TMEM132C: variants seen among roughly 807,000 people sequenced by gnomAD.
The protein encoded by TMEM132C is transmembrane protein 132C, also known as protein phosphatase 1, regulatory subunit 152.
In TMEM132C, 29 loss-of-function variants were observed where a neutral mutation model predicts 61.4. That is an observed-to-expected ratio of 0.47 (90% CI 0.35 to 0.64). The LOEUF is 0.64. Ranked by LOEUF, TMEM132C falls within the 30% of genes least tolerant of loss-of-function variation. TMEM132C has a pLI of 0.00. For missense variants in TMEM132C, 1,408 were observed against 1,476.9 expected (o/e 0.95, Z 0.76); for synonymous variants, 656 against 633.1 (o/e 1.04, Z -0.54).
At chr12:128,490,918 C>T (rs1413898351) in intron 2 of TMEM132C, among the ~76,000 whole-genome samples, 1 of 152,220 alleles carries the variant, frequency 6.6e-6, no homozygotes, top group Non-Finnish European at 1.5e-5. Context: ...ACTAAGCCCT[C>T]ATTGCCTTAT....
intron 1 of TMEM132C, among the ~76,000 whole-genome samples, chr12:128,331,807 C>G (rs1872671310): frequency 6.6e-6 from 1 of 152,120 alleles, no homozygotes; most frequent in South Asian, 2.1e-4. Flanking sequence ...CTGCTGGATC[C>G]AATGGTAGTT....
chr12:128,400,344 C>G (rs2136009171), intron 1 of TMEM132C, among the ~76,000 whole-genome samples: 1 of 152,202 alleles, frequency 6.6e-6, no homozygotes, highest in East Asian at 1.9e-4. Context: ...CTGGCTCACT[C>G]ATTGGCCCCT....
chr12:128,347,397 GTCTCTCTCTCTC>G lies in TMEM132C; in HGVS notation c.86-67304_86-67293del, dbSNP rs55729184. Among the ~76,000 whole-genome samples, 232 of 135,528 alleles carry G rather than the reference GTCTCTCTCTCTC, an allele frequency of 1.7e-3. 1 individual carries two copies. The highest frequency in any genetic ancestry group is 5.2e-3 in the African/African-American group (172 of 32,906). 88.9% of individuals were successfully genotyped at this position (135,528 alleles called of 152,430 possible). On this transcript the variant is annotated intron_variant, in intron 1 of 8. Coordinates refer to ENST00000435159, the MANE Select transcript of TMEM132C (RefSeq NM_001136103.3). ...TGCTGCCATAAGCATGCATATGTAT[GTCTCTCTCTCTC>G]TCTCTCTCTCTCTCTCTCTCTCTCT... is the stretch of plus-strand genomic sequence containing the variant.
At chr12:128,496,162 C>T (rs1035879010) in intron 2 of TMEM132C, among the ~76,000 whole-genome samples, 3 of 152,148 alleles carry the variant, frequency 2.0e-5, no homozygotes, top group African/African-American at 7.2e-5. Flanking sequence ...ATATTGGCCC[C>T]CAATCTCTTC....
At chr12:128,576,459 C>T (rs1875099442) in intron 3 of TMEM132C, among the ~76,000 whole-genome samples, 1 of 152,222 alleles carries the variant, frequency 6.6e-6, no homozygotes, top group Admixed American at 6.5e-5. Flanking sequence ...GAGTGGGCAG[C>T]TTCTCTTTGT....
chr12:128,354,278 C>T (rs1307451533), intron 1 of TMEM132C, among the ~76,000 whole-genome samples: 1 of 152,096 alleles, frequency 6.6e-6, no homozygotes, highest in Non-Finnish European at 1.5e-5. Flanking sequence ...TCTGATCCGG[C>T]CACTCAGTGG....
intron 1 of TMEM132C, among the ~76,000 whole-genome samples, chr12:128,301,906 G>A (rs896474572): frequency 6.6e-6 from 1 of 152,200 alleles, no homozygotes; most frequent in Non-Finnish European, 1.5e-5. Context: ...TTACATGGTG[G>A]CAGATGAGAG....
chr12:128,695,645 T>G (rs1302461476), intron 6 of TMEM132C, among the ~76,000 whole-genome samples, 185 bp from the exon 7 acceptor site: 2 of 152,210 alleles, frequency 1.3e-5, no homozygotes, highest in South Asian at 4.1e-4. Flanking sequence ...TTTCAATAAA[T>G]GTATTTGAGA....
At chr12:128,518,215 A>G (rs1159667026) in intron 2 of TMEM132C, among the ~76,000 whole-genome samples, 1 of 152,254 alleles carries the variant, frequency 6.6e-6, no homozygotes, top group African/African-American at 2.4e-5. Context: ...TGTGCAGAAA[A>G]TGAAATAATG....
intron 2 of TMEM132C, chr12:128,439,080 TCAA>T (rs1869693779): frequency 1.3e-5 from 2 of 152,536 alleles, no homozygotes; most frequent in African/African-American, 4.8e-5. Context: ...ACCCAGAGTG[TCAA>T]CAACAACTTC....
intron 1 of TMEM132C, among the ~76,000 whole-genome samples, chr12:128,349,115 T>C (rs951417553): frequency 1.3e-5 from 2 of 152,200 alleles, no homozygotes; most frequent in Non-Finnish European, 2.9e-5. Context: ...GTGATTCTCC[T>C]GGCTCAGCCT....
At chr12:128,403,399 A>G (rs1875235275) in intron 1 of TMEM132C, among the ~76,000 whole-genome samples, 1 of 152,170 alleles carries the variant, frequency 6.6e-6, no homozygotes, top group South Asian at 2.1e-4. Flanking sequence ...GACACCTCCA[A>G]AGTCCTGAAA....
intron 3 of TMEM132C, among the ~76,000 whole-genome samples, chr12:128,556,156 C>T (rs1057050838): frequency 5.3e-5 from 8 of 152,070 alleles, no homozygotes; most frequent in Non-Finnish European, 8.8e-5. Flanking sequence ...TACTGGAGAC[C>T]GAAGGGCCAG....
At chr12:128,280,365 T>C (rs999615593) in intron 1 of TMEM132C, among the ~76,000 whole-genome samples, 2 of 152,164 alleles carry the variant, frequency 1.3e-5, no homozygotes, top group African/African-American at 4.8e-5. Context: ...CATCTGCCTC[T>C]TACTTTCAGG....
intron 2 of TMEM132C, among the ~76,000 whole-genome samples, chr12:128,525,595 C>G (rs573223243): frequency 6.6e-6 from 1 of 152,240 alleles, no homozygotes; most frequent in African/African-American, 2.4e-5. Flanking sequence ...GTTTTGCACA[C>G]GCCCTTCTGA....
At chr12:128,437,675 C>G (rs1477067219) in intron 2 of TMEM132C, 1 of 152,204 alleles carries the variant, frequency 6.6e-6, no homozygotes, top group East Asian at 1.9e-4. Context: ...TATACCATCT[C>G]TAGCAGAAGG....
At chr12:128,391,455 C>G (rs1490124905) in intron 1 of TMEM132C, among the ~76,000 whole-genome samples, 1 of 152,202 alleles carries the variant, frequency 6.6e-6, no homozygotes, top group Non-Finnish European at 1.5e-5. Context: ...CCTTCAATAT[C>G]CATCAGCTTT....
intron 1 of TMEM132C, among the ~76,000 whole-genome samples, chr12:128,362,181 G>T (rs931186061): frequency 1.3e-5 from 2 of 152,056 alleles, no homozygotes; most frequent in African/African-American, 4.8e-5. Flanking sequence ...AAGCTCTCCT[G>T]GTGCCTTTCC....
chr12:128,476,286 C>T (rs1407293075), intron 2 of TMEM132C, among the ~76,000 whole-genome samples: 2 of 152,204 alleles, frequency 1.3e-5, no homozygotes, highest in African/African-American at 4.8e-5. Context: ...GGAATCCTTC[C>T]TGGCAACCTG....
Sources: gnomAD v4.1 joint callset for allele counts (sites outside exome capture counted in the v4.1 genomes callset) on GRCh38, gnomAD v4.1.1 for gene constraint, MANE v1.5 for transcripts, NCBI Gene and HGNC (gene_info 2026-07-23, HGNC 2026-07-21) for gene names.